The following HGD variants were observed in gnomAD, a reference collection of about 807,000 sequenced individuals.
HGD encodes the protein homogentisate oxidase.
Under a neutral mutation model 60.8 loss-of-function variants are expected in HGD, and 61 were observed. That is an observed-to-expected ratio of 1.00 (90% CI 0.82 to 1.24). The LOEUF (loss-of-function observed/expected upper bound fraction) is 1.24. Ranked by LOEUF, HGD falls within the 50% of genes most tolerant of loss-of-function variation. The pLI is 0.00. For missense variants in HGD, 542 were observed against 547.1 expected (o/e 0.99, Z 0.09); for synonymous variants, 212 against 187.7 (o/e 1.13, Z -1.06).
At chr3:120,657,094 T>C (rs1200183258) in intron 4 of HGD, among the ~76,000 whole-genome samples, 1 of 152,236 alleles carries the variant, frequency 6.6e-6, no homozygotes, top group Non-Finnish European at 1.5e-5. Context: ...AGTCTCCAAC[T>C]AAAATTGTGG....
intron 6 of HGD, among the ~76,000 whole-genome samples, chr3:120,649,161 G>C (rs1368627382): frequency 1.9e-5 from 1 of 51,570 alleles, no homozygotes; most frequent in Admixed American, 2.1e-4. Flanking sequence ...TTTTTTTTTT[G>C]AGATGGAGTC....
intron 12 of HGD, among the ~76,000 whole-genome samples, chr3:120,638,062 C>T (rs1940839191): frequency 1.3e-5 from 2 of 152,182 alleles, no homozygotes; most frequent in Non-Finnish European, 1.5e-5. Context: ...GCTGGGACTT[C>T]CTCCTTTCTC....
chr3:120,653,221 T>C (rs1016726472), intron 4 of HGD, among the ~76,000 whole-genome samples: 25 of 152,218 alleles, frequency 1.6e-4, no homozygotes, highest in African/African-American at 5.5e-4. Context: ...CGTTTGTCCC[T>C]AGGCTGCCTG....
Position 120,647,813 on chromosome 3 carries a change from T to C in HGD, c.469+64A>G, listed in dbSNP as rs960114470. Reference sequence around the variant, plus strand: ...TGAAGGAAAATAATGTGTATAAAATTAGAAAGCAGCTTGCGGTTAGGGGTC... The same window carrying C: ...TGAAGGAAAATAATGTGTATAAAATCAGAAAGCAGCTTGCGGTTAGGGGTC... On this transcript the variant is annotated intron_variant, in intron 7 of 13. Transcript: ENST00000283871. 8.2e-6 allele frequency: 10 copies of C among 1,225,344 alleles called. No individual in the cohort carries two copies. In the African/African-American group the frequency reaches 1.2e-4, roughly 15 times the overall value. The allele number at this position is 1,225,344 out of a possible 1,614,324, so 75.9% of individuals were successfully genotyped here. A position where few individuals can be genotyped will look rare whatever the true frequency, so the allele number is the denominator to read the frequency against.
At chr3:120,646,610 C>T (rs990580693) in intron 8 of HGD, among the ~76,000 whole-genome samples, 32 of 151,640 alleles carry the variant, frequency 2.1e-4, no homozygotes, top group African/African-American at 7.5e-4. Context: ...TCTAGTCTAC[C>T]CTCTCATTGG....
At chr3:120,662,099 C>A (rs1438043392) in intron 4 of HGD, among the ~76,000 whole-genome samples, 1 of 152,184 alleles carries the variant, frequency 6.6e-6, no homozygotes, top group African/African-American at 2.4e-5. Flanking sequence ...TCTAGTGTGA[C>A]TGATAGGTAG....
Position 120,675,827 on chromosome 3 carries a change from C to T in HGD, c.52G>A (p.Asp18Asn). ...GGCAGGGAACCTGGGCAGCGAGGAT[C>T]CTCTGAAGAACACTCATTCCCAAAT... ...SGFGNECSSE[D>N]PRCPGSLPEG... is the part of the protein sequence containing the mutation. Residue 18 changes from aspartate to asparagine, a missense_variant, in exon 2 of 14, where the codon GAT becomes AAT. Coordinates refer to ENST00000283871, the MANE Select transcript of HGD (RefSeq NM_000187.4). 8 of 1,613,662 alleles carry T rather than the reference C, an allele frequency of 5.0e-6. No homozygotes were observed. Among genetic ancestry groups the T allele is most frequent in the Non-Finnish European group, 6.8e-6 (8 of 1,179,634 alleles).
chr3:120,637,965 C>A (rs1298082188), intron 12 of HGD, among the ~76,000 whole-genome samples: 1 of 152,094 alleles, frequency 6.6e-6, no homozygotes, highest in Admixed American at 6.6e-5. Context: ...GGAGGCAGAT[C>A]CCTCATAAAT....
intron 5 of HGD, among the ~76,000 whole-genome samples, chr3:120,651,289 C>CTGCTTA (rs1237667697): frequency 1.3e-5 from 2 of 152,214 alleles, no homozygotes; most frequent in Non-Finnish European, 2.9e-5. Context: ...GGGCAGCCCT[C>CTGCTTA]TGCTTATGGA....
intron 1 of HGD, among the ~76,000 whole-genome samples, chr3:120,677,619 C>CGGTCCTGT (rs750114049): frequency 2.2e-4 from 33 of 152,158 alleles, no homozygotes; most frequent in Non-Finnish European, 1.2e-4. Context: ...AATTTCGCCT[C>CGGTCCTGT]GGTCCTGTGG....
At chr3:120,668,363 C>T in intron 4 of HGD, among the ~76,000 whole-genome samples, 1 of 152,030 alleles carries the variant, frequency 6.6e-6, no homozygotes, top group East Asian at 1.9e-4. Context: ...AGAGAGAGAA[C>T]TGGGCAGGAA....
At chr3:120,674,060 T>C (rs1708077602) in intron 3 of HGD, among the ~76,000 whole-genome samples, 1 of 152,158 alleles carries the variant, frequency 6.6e-6, no homozygotes, top group East Asian at 1.9e-4. Flanking sequence ...TTACTTACTA[T>C]CTCATTTGCT....
At position 120,633,296 on chromosome 3, in the gene HGD, G is replaced by C; in HGVS notation, c.1039C>G (p.Arg347Gly). The C allele has an allele frequency of 6.2e-7, 1 of 1,614,088 alleles. No individual in the cohort carries two copies. The highest frequency in any genetic ancestry group is 8.5e-7 in the Non-Finnish European group (1 of 1,180,010). The change falls in exon 13 of 14, where the codon CGA becomes GGA. Residue 347 changes from arginine (R) to glycine (G), a missense_variant. By Grantham distance (125) the Arg-to-Gly change is moderately radical (BLOSUM62 -2). Coordinates refer to ENST00000283871, the MANE Select transcript of HGD (RefSeq NM_000187.4). ...NCMSEFMGLI[R>G]GHYEAKQGGF... The stretch of plus-strand genomic sequence containing the variant: ...CCTTGCTTTGCCTCATAGTGACCTC[G>C]GATGAGTCCCATGAACTCACTCATG...
intron 10 of HGD, among the ~76,000 whole-genome samples, chr3:120,642,520 C>G (rs1163944807): frequency 2.6e-5 from 4 of 152,124 alleles, no homozygotes; most frequent in Non-Finnish European, 5.9e-5. Context: ...ACAACTAGCA[C>G]TCTGAAAAAA....
In HGD at chr3:120,641,633, G is replaced by T. The variant is rs200382812; in HGVS notation, c.835C>A (p.Leu279Met). 2.7e-4 allele frequency: 429 copies of T among 1,613,864 alleles called. No homozygotes were observed. The highest frequency in any genetic ancestry group is 3.6e-4 in the Non-Finnish European group (421 of 1,179,870). The part of the protein sequence containing the change: ...HGNYTPYKYN[L>M]KNFMVINSVA... Reference sequence around the variant, plus strand: ...GAGTTGATAACCATGAAATTCTTCAGGTTGTACTTGTAGGGTGTATAATTC... The same window carrying T: ...GAGTTGATAACCATGAAATTCTTCATGTTGTACTTGTAGGGTGTATAATTC... Residue 279 changes from leucine (L) to methionine (M), a missense_variant, in exon 11 of 14, where the codon CTG becomes ATG. By Grantham distance (15) the Leu-to-Met change is conservative. This residue lies in a region of HGD where 537 missense variants were observed against 529.1 expected (regional missense o/e 1.01). Coordinates refer to ENST00000283871, the MANE Select transcript of HGD (RefSeq NM_000187.4).
chr3:120,658,584 C>T (rs1427172187), intron 4 of HGD, among the ~76,000 whole-genome samples: 10 of 152,188 alleles, frequency 6.6e-5, no homozygotes, highest in Admixed American at 6.5e-4. Context: ...ATGGATCTAC[C>T]TTTCTGGAGT....
At chr3:120,628,572 A>G in intron 13 of HGD, 43 bp from the exon 14 acceptor site, 2 of 1,600,812 alleles carry the variant, frequency 1.2e-6, no homozygotes, top group African/African-American at 1.3e-5. Flanking sequence ...GAGGTGAGAT[A>G]GATAATAAAC....
intron 1 of HGD, among the ~76,000 whole-genome samples, chr3:120,676,727 A>C (rs930444313): frequency 1.3e-5 from 2 of 152,194 alleles, no homozygotes; most frequent in African/African-American, 4.8e-5. Context: ...CTTAAATACC[A>C]ATTGATTTTA....
intron 10 of HGD, among the ~76,000 whole-genome samples, chr3:120,642,475 A>C (rs1160409039): frequency 6.6e-6 from 1 of 152,228 alleles, no homozygotes; most frequent in Non-Finnish European, 1.5e-5. Flanking sequence ...ATTATAAAGA[A>C]GGGTGTTACC....
Sources: allele counts gnomAD v4.1 joint callset (sites outside exome capture counted in the v4.1 genomes callset), GRCh38; gene constraint gnomAD v4.1.1; regional missense constraint gnomAD v4.1.1; transcripts MANE v1.5; gene names NCBI Gene and HGNC (gene_info 2026-07-23, HGNC 2026-07-21).